The following IPO5 variants were observed in gnomAD, a reference collection of about 807,000 sequenced individuals.
IPO5 encodes the protein importin-5.
Under a neutral mutation model 143.3 loss-of-function variants are expected in IPO5, and 18 were observed. The ratio of observed to expected loss-of-function variants is 0.13; its 90% CI spans 0.09 to 0.19. IPO5 has a LOEUF of 0.19. IPO5 is among the 10% of genes least tolerant of loss of function. The pLI, the probability that IPO5 is intolerant of heterozygous loss-of-function variation, is 1.00. For missense variants in IPO5, 1,013 were observed against 1,336.9 expected (o/e 0.76, Z 3.78); for synonymous variants, 477 against 465.7 (o/e 1.02, Z -0.31).
At chr13:98,016,877 GT>G (rs1890150377) in intron 25 of IPO5, 26 bp downstream of exon 25, 6 of 1,460,556 alleles carry the variant, frequency 4.1e-6, no homozygotes, top group African/African-American at 1.5e-5. Context: ...CTTAATAGTT[GT>G]TTTGCGTAGT....
chr13:97,989,620 G>A (rs1357222283), intron 7 of IPO5, among the ~76,000 whole-genome samples: 1 of 152,084 alleles, frequency 6.6e-6, no homozygotes, highest in Non-Finnish European at 1.5e-5. Flanking sequence ...TCTAAGTTTA[G>A]AATTAAGTGA....
rs750024733 is a variant in IPO5 at position 98,019,701 on chromosome 13, G to A, written c.2957G>A (p.Cys986Tyr). 1.9e-6 allele frequency: 3 copies of A among 1,613,764 alleles called. No individual in the cohort carries two copies. The highest frequency in any genetic ancestry group is 2.5e-6 in the Non-Finnish European group (3 of 1,179,782). The change falls in exon 27 of 29, where the codon TGT becomes TAT. Residue 986 changes from cysteine (C) to tyrosine (Y), a missense_variant. This residue lies in a region of IPO5 where 685 missense variants were observed against 994.9 expected (regional missense o/e 0.69). Transcript: ENST00000651721. ...AAAATCATGAAGTTCAAGCCTGACT[G>A]TGTAAACGTTGAAGAGGTCCTTCCA... Reference protein sequence around the residue: ...VGKIMKFKPDCVNVEEVLPHW... With the variant: ...VGKIMKFKPDYVNVEEVLPHW...
In IPO5 at chr13:98,010,280, A is replaced by G. The variant is rs534682941; in HGVS notation, c.2055+56A>G. On this transcript the variant is annotated intron_variant, in intron 20 of 28. Transcript: ENST00000651721. Reference sequence around the variant, plus strand: ...ATTTTACATCTTATATACATTTCATATGAGTGCTTTTAATAGCTGCTAAAG... The same window carrying G: ...ATTTTACATCTTATATACATTTCATGTGAGTGCTTTTAATAGCTGCTAAAG... 6.7e-6 allele frequency: 10 copies of G among 1,496,438 alleles called. No homozygotes were observed. The South Asian group carries it at 8.7e-5, about 13-fold the overall frequency. 92.7% of individuals were successfully genotyped at this position (1,496,438 alleles called of 1,614,324 possible). A position where few individuals can be genotyped will look rare whatever the true frequency, so the allele number is the denominator to read the frequency against.
intron 3 of IPO5, among the ~76,000 whole-genome samples, chr13:97,970,182 AT>A (rs1216003088): frequency 6.6e-6 from 1 of 152,270 alleles, no homozygotes; most frequent in Non-Finnish European, 1.5e-5. Context: ...AAAAAGTGAA[AT>A]TAATACATTT....
chr13:97,985,369 A>G, intron 5 of IPO5, 52 bp from the exon 6 acceptor site: 1 of 1,404,068 alleles, frequency 7.1e-7, no homozygotes, highest in East Asian at 2.3e-5. Context: ...CAACAGTGAA[A>G]TACATCAATG....
At chr13:98,003,297 G>A (rs944493524) in intron 16 of IPO5, among the ~76,000 whole-genome samples, 4 of 152,150 alleles carry the variant, frequency 2.6e-5, no homozygotes, top group African/African-American at 9.7e-5. Flanking sequence ...TGAAAATAAG[G>A]CAGAGAAGTT....
At chr13:98,003,118 G>A in intron 16 of IPO5, 81 bp downstream of exon 16, 1 of 1,034,478 alleles carries the variant, frequency 9.7e-7, no homozygotes, top group African/African-American at 1.6e-5. Flanking sequence ...GGAGAAAGAG[G>A]GACTTGCAGC....
chr13:97,996,822 G>A (rs1335690048), intron 11 of IPO5, among the ~76,000 whole-genome samples: 1 of 152,056 alleles, frequency 6.6e-6, no homozygotes, highest in Non-Finnish European at 1.5e-5. Context: ...TCGATCTTCT[G>A]ACCTCGTGAT....
At chr13:97,967,724 C>T (rs927402378) in intron 2 of IPO5, among the ~76,000 whole-genome samples, 6 of 152,156 alleles carry the variant, frequency 3.9e-5, no homozygotes, top group South Asian at 2.1e-4. Flanking sequence ...CTCCGCCTCC[C>T]GGGTTCATGC....
At chr13:98,012,680 G>C (rs1054927512) in intron 21 of IPO5, among the ~76,000 whole-genome samples, 2 of 152,096 alleles carry the variant, frequency 1.3e-5, no homozygotes, top group Middle Eastern at 3.4e-3. Context: ...TTTATTTTAA[G>C]AGATGGTGTC....
intron 27 of IPO5, among the ~76,000 whole-genome samples, chr13:98,020,666 C>A (rs780403999): frequency 2.0e-5 from 3 of 152,108 alleles, no homozygotes; most frequent in African/African-American, 7.2e-5. Context: ...TTTTGAACTT[C>A]AGAGTTATTT....
chr13:97,996,792 C>G (rs949193933), intron 11 of IPO5, among the ~76,000 whole-genome samples: 1 of 151,958 alleles, frequency 6.6e-6, no homozygotes, highest in Non-Finnish European at 1.5e-5. Flanking sequence ...TGGGGTTTCA[C>G]CATGTTAGCC....
rs1344308366 is a variant in IPO5 at position 97,985,409 on chromosome 13, ATC to A, written c.172-10_172-9del. 2.5e-6 allele frequency: 4 copies of A among 1,595,480 alleles called. No individual in the cohort carries two copies. The African/African-American group carries it at 5.4e-5, about 21-fold the overall frequency. ...AGTGAATCTAGTTATTAACAATGTT[ATC>A]TGTTTATAGGCTAGACAAATGGCCG... On this transcript the variant is annotated splice_polypyrimidine_tract_variant and intron_variant, in intron 5 of 28. Coordinates refer to ENST00000651721, the MANE Select transcript of IPO5 (RefSeq NM_002271.6).
chr13:97,973,459 C>T (rs888420007), intron 3 of IPO5, among the ~76,000 whole-genome samples: 1 of 152,172 alleles, frequency 6.6e-6, no homozygotes, highest in African/African-American at 2.4e-5. Flanking sequence ...ATAAACTCTT[C>T]AAAATGGCAA....
chr13:97,980,337 A>T (rs755363753), intron 4 of IPO5, among the ~76,000 whole-genome samples: 1 of 152,188 alleles, frequency 6.6e-6, no homozygotes. Context: ...CTCAACAGAC[A>T]TCATCTGTCA....
In IPO5 at chr13:98,022,703, C is replaced by CT. The variant is rs943303823; in HGVS notation, c.*886dup. The CT allele has an allele frequency of 1.3e-5, 2 of 152,090 alleles. No homozygotes were observed. The highest frequency in any genetic ancestry group is 2.9e-5 in the Non-Finnish European group (2 of 68,004). 9.4% of individuals were successfully genotyped at this position (152,090 alleles called of 1,614,324 possible). A position where few individuals can be genotyped will look rare whatever the true frequency, so the allele number is the denominator to read the frequency against. ...ACCTATTCCATTCACAATTGGTGTT[C>CT]TTTTTAAGGTTTGCAAATTTCAGCC... On this transcript the variant is annotated 3_prime_UTR_variant, in exon 29 of 29. Transcript: ENST00000651721.
At chr13:97,974,721 T>C (rs1352280927) in intron 3 of IPO5, among the ~76,000 whole-genome samples, 2 of 148,980 alleles carry the variant, frequency 1.3e-5, no homozygotes. Context: ...AAAAAAAAGC[T>C]GCCCCAAAGT....
intron 6 of IPO5, among the ~76,000 whole-genome samples, chr13:97,986,683 T>C (rs1407189657): frequency 6.6e-6 from 1 of 152,200 alleles, no homozygotes; most frequent in Non-Finnish European, 1.5e-5. Flanking sequence ...AAAAAATATT[T>C]TTTTAAGTGA....
At chr13:98,016,622 G>C in intron 24 of IPO5, 107 bp from the exon 25 acceptor site, 1 of 589,458 alleles carries the variant, frequency 1.7e-6, no homozygotes, top group East Asian at 3.5e-5. Flanking sequence ...AAACAGGAAT[G>C]AGAAATTGAT....
Sources: allele counts gnomAD v4.1 joint callset (sites outside exome capture counted in the v4.1 genomes callset), GRCh38; gene constraint gnomAD v4.1.1; regional missense constraint gnomAD v4.1.1; transcripts MANE v1.5; gene names NCBI Gene and HGNC (gene_info 2026-07-23, HGNC 2026-07-21).